Variants in CDK17 observed in about 807,000 individuals in gnomAD.
CDK17 encodes cyclin-dependent kinase 17.
In CDK17, 24 loss-of-function variants were observed where a neutral mutation model predicts 77.6. The observed-to-expected ratio is 0.31, with a 90% confidence interval of 0.22 to 0.44. The LOEUF (loss-of-function observed/expected upper bound fraction) is 0.44, where lower values mean the gene tolerates loss of function less well. CDK17 is among the 20% of genes least tolerant of loss of function. The pLI is 1.00. For synonymous variants in CDK17, 203 were observed against 210.4 expected, an observed-to-expected ratio of 0.96 and a Z score of 0.30; for missense variants, 429 against 622.5, an observed-to-expected ratio of 0.69 and a Z score of 3.31.
intron 16 of CDK17, 161 bp downstream of exon 16, chr12:96,280,647 A>T: frequency 7.0e-7 from 1 of 1,428,502 alleles, no homozygotes; most frequent in East Asian, 2.5e-5. Context: ...CCCACATCAT[A>T]CAGAAAAGTG....
chr12:96,324,842 C>T (rs1045351337), intron 2 of CDK17, among the ~76,000 whole-genome samples: 1 of 151,790 alleles, frequency 6.6e-6, no homozygotes, highest in South Asian at 2.1e-4. Flanking sequence ...GAATTTACAT[C>T]CCTGTTTGCT....
At chr12:96,289,794 G>A (rs1485505446) in intron 10 of CDK17, among the ~76,000 whole-genome samples, 2 of 152,024 alleles carry the variant, frequency 1.3e-5, no homozygotes, top group Admixed American at 6.6e-5. Flanking sequence ...CTGACAAATC[G>A]ACTTAGAGAC....
intron 1 of CDK17, among the ~76,000 whole-genome samples, chr12:96,376,246 AATG>A (rs1321235845): frequency 6.6e-6 from 1 of 152,214 alleles, no homozygotes; most frequent in Non-Finnish European, 1.5e-5. Context: ...AATAGTAGCA[AATG>A]ATTGTTCACT....
At position 96,343,256 on chromosome 12, in the gene CDK17, C is replaced by A. The variant is rs530818669; in HGVS notation, c.-29-8391G>T. On this transcript the variant is annotated intron_variant, in intron 1 of 16. Transcript: ENST00000261211. The stretch of plus-strand genomic sequence containing the variant: ...GAACCTAATTAGACACTAAAAACAA[C>A]CAGGAAAGTGCTTCATGCAGAGGCT... Among the ~76,000 whole-genome samples the A allele has an allele frequency of 5.3e-4, 81 of 152,292 alleles. 1 individual carries two copies. Among genetic ancestry groups the A allele is most frequent in the Non-Finnish European group, 6.3e-4 (43 of 68,030 alleles).
At chr12:96,317,192 G>T (rs1490247098) in intron 3 of CDK17, among the ~76,000 whole-genome samples, 1 of 150,210 alleles carries the variant, frequency 6.7e-6, no homozygotes. Flanking sequence ...CGATCAACTG[G>T]AAGAAAGGGT....
At chr12:96,397,535 T>C (rs966360025) in intron 1 of CDK17, among the ~76,000 whole-genome samples, 1 of 152,192 alleles carries the variant, frequency 6.6e-6, no homozygotes, top group Non-Finnish European at 1.5e-5. Flanking sequence ...AAGCTTCTTT[T>C]AGTACAGCAA....
chr12:96,294,866 T>C (rs1389050056), intron 10 of CDK17, 133 bp downstream of exon 10: 4 of 707,514 alleles, frequency 5.7e-6, no homozygotes, highest in Non-Finnish European at 9.0e-6. Context: ...CTGTCAAATA[T>C]CTTATTCTGT....
chr12:96,314,097 T>C (rs1326568154), intron 3 of CDK17, among the ~76,000 whole-genome samples: 1 of 152,170 alleles, frequency 6.6e-6, no homozygotes, highest in Admixed American at 6.5e-5. Flanking sequence ...AGCAAAAACA[T>C]ACTACAAAAA....
At chr12:96,394,092 A>G (rs1362500991) in intron 1 of CDK17, among the ~76,000 whole-genome samples, 1 of 151,752 alleles carries the variant, frequency 6.6e-6, no homozygotes, top group Admixed American at 6.6e-5. Context: ...CTAAAAATAC[A>G]AAAATTAGCT....
Position 96,295,033 on chromosome 12 carries a change from A to G in CDK17, c.963T>C (p.Ile321=), listed in dbSNP as rs1428567411. The G allele has an allele frequency of 6.2e-7, 1 of 1,612,738 alleles. No homozygotes were observed. The highest frequency in any genetic ancestry group is 8.5e-7 in the Non-Finnish European group (1 of 1,179,268). The part of the protein sequence containing the change: ...HRDLKPQNLL[I]NEKGELKLAD... ...CTAGCTTTAATTCTCCTTTCTCATT[A>G]ATGAGGAGGTTCTGTGGTTTCAAGT... The change falls in exon 10 of 17, where the codon ATT becomes ATC. Residue 321 remains isoleucine, a synonymous_variant. Transcript: ENST00000261211.
intron 3 of CDK17, among the ~76,000 whole-genome samples, chr12:96,316,358 A>AG (rs1952717907): frequency 6.6e-6 from 1 of 151,290 alleles, no homozygotes; most frequent in Non-Finnish European, 1.5e-5. Context: ...TCAAACCGCA[A>AG]GGCGGCAGCG....
Position 96,306,416 on chromosome 12 carries a change from C to CA in CDK17, c.543+4635dup, listed in dbSNP as rs55650621. On this transcript the variant is annotated intron_variant, in intron 5 of 16. Coordinates refer to ENST00000261211, the MANE Select transcript of CDK17 (RefSeq NM_002595.5). ...ACCCTGTCTCTACAAATAATTTGTA[C>CA]AAAAAAAAAAATTATATATATATAT... 4.4e-3 allele frequency among the ~76,000 whole-genome samples: 579 copies of CA among 131,372 alleles called. 2 individuals carry two copies. The highest frequency in any genetic ancestry group is 0.015 in the African/African-American group (541 of 34,944). The allele number at this position is 131,372 out of a possible 152,430, so 86.2% of individuals were successfully genotyped here.
rs397790570 is a variant in CDK17 at position 96,398,146 on chromosome 12, T to TA, written c.-30+1839dup. 2.6e-5 allele frequency among the ~76,000 whole-genome samples: 4 copies of TA among 152,136 alleles called. No individual in the cohort carries two copies. In the East Asian group the frequency reaches 7.7e-4, roughly 29 times the overall value. ...AAATTCAAAGACTCCCGTTTTTTTT[T>TA]AAGCCAACCATTCAAACTGTTAGTG... is the stretch of plus-strand genomic sequence containing the variant. On this transcript the variant is annotated intron_variant, in intron 1 of 16. Transcript: ENST00000261211.
At position 96,294,611 on chromosome 12, in the gene CDK17, A is replaced by AAAAAAAAAAAAAT. The variant is rs71097274; in HGVS notation, c.997+387_997+388insATTTTTTTTTTTT. 6.7e-3 allele frequency among the ~76,000 whole-genome samples: 811 copies of AAAAAAAAAAAAAT among 121,264 alleles called. 45 individuals are homozygous for AAAAAAAAAAAAAT. The highest frequency in any genetic ancestry group is 0.012 in the Middle Eastern group (3 of 250). The allele number at this position is 121,264 out of a possible 152,430, so 79.6% of individuals were successfully genotyped here. On this transcript the variant is annotated intron_variant, in intron 10 of 16. Coordinates refer to ENST00000261211, the MANE Select transcript of CDK17 (RefSeq NM_002595.5). ...AAAAAAAAAAAAAAAAAAAAAAAAAAGATATATTTTGGTGCCACTACTTTG... is the reference window on the plus strand; with the variant it reads ...AAAAAAAAAAAAAAAAAAAAAAAAAAAAAAAAAAAAAATGATATATTTTGGTGCCACTACTTTG...
intron 1 of CDK17, among the ~76,000 whole-genome samples, chr12:96,374,886 T>A (rs1279375871): frequency 1.3e-5 from 2 of 152,190 alleles, no homozygotes; most frequent in African/African-American, 4.8e-5. Flanking sequence ...AATATATTCT[T>A]GTCCATCCCA....
In CDK17 at chr12:96,294,611, A is replaced by AAAAAAAAAAAAAAAAAAAAT. The variant is rs71097274; in HGVS notation, c.997+387_997+388insATTTTTTTTTTTTTTTTTTT. Among the ~76,000 whole-genome samples, 37 of 121,312 alleles carry AAAAAAAAAAAAAAAAAAAAT rather than the reference A, an allele frequency of 3.0e-4. 2 individuals are homozygous for AAAAAAAAAAAAAAAAAAAAT. Among genetic ancestry groups the AAAAAAAAAAAAAAAAAAAAT allele is most frequent in the East Asian group, 5.1e-4 (2 of 3,940 alleles). 79.6% of individuals were successfully genotyped at this position (121,312 alleles called of 152,430 possible). On this transcript the variant is annotated intron_variant, in intron 10 of 16. Transcript: ENST00000261211. ...AAAAAAAAAAAAAAAAAAAAAAAAA[A>AAAAAAAAAAAAAAAAAAAAT]GATATATTTTGGTGCCACTACTTTG...
chr12:96,282,820 G>C (rs1255989073), intron 14 of CDK17, among the ~76,000 whole-genome samples: 2 of 152,122 alleles, frequency 1.3e-5, no homozygotes, highest in South Asian at 2.1e-4. Context: ...CTAAGATAAG[G>C]CTGGATCTTA....
chr12:96,372,848 T>A (rs1019471053), intron 1 of CDK17, among the ~76,000 whole-genome samples: 2 of 152,166 alleles, frequency 1.3e-5, no homozygotes, highest in African/African-American at 4.8e-5. Flanking sequence ...AGATTTCCTA[T>A]GAGGATATAG....
intron 1 of CDK17, among the ~76,000 whole-genome samples, chr12:96,397,799 C>T (rs1284905501): frequency 6.6e-6 from 1 of 152,048 alleles, no homozygotes; most frequent in Non-Finnish European, 1.5e-5. Context: ...AATAAATGTA[C>T]ATAAAACAAC....
Sources: allele counts gnomAD v4.1 joint callset (sites outside exome capture counted in the v4.1 genomes callset), GRCh38; gene constraint gnomAD v4.1.1; transcripts MANE v1.5; gene names NCBI Gene and HGNC (gene_info 2026-07-23, HGNC 2026-07-21).